Variants in PRRC2C observed in about 807,000 individuals in gnomAD.
The protein encoded by PRRC2C is proline rich coiled-coil 2C, also known as protein PRRC2C.
A neutral mutation model predicts 317.2 loss-of-function variants in PRRC2C; 72 were observed. That is an observed-to-expected ratio of 0.23 (90% CI 0.19 to 0.28). The LOEUF (loss-of-function observed/expected upper bound fraction) is 0.28, where lower values mean the gene tolerates loss of function less well. Among genes scored for constraint, PRRC2C ranks in the 10% least tolerant of loss-of-function variants. The pLI, the probability that PRRC2C is intolerant of heterozygous loss-of-function variation, is 1.00. For missense variants in PRRC2C, 3,074 were observed against 3,459.7 expected (o/e 0.89, Z 2.80); for synonymous variants, 1,296 against 1,205.9 (o/e 1.07, Z -1.55).
chr1:171,502,374 T>A (rs991309450), intron 1 of PRRC2C, among the ~76,000 whole-genome samples: 24 of 152,296 alleles, frequency 1.6e-4, no homozygotes, highest in East Asian at 1.5e-3. Flanking sequence ...AATTTTTTTT[T>A]AAAACTTTGG....
rs113397390 is a variant in PRRC2C at position 171,492,137 on chromosome 1, G to A, written c.-58+6402G>A. 8.1e-3 allele frequency among the ~76,000 whole-genome samples: 1,228 copies of A among 152,224 alleles called. 9 individuals are homozygous for A. Among genetic ancestry groups the A allele is most frequent in the African/African-American group, 0.027 (1,132 of 41,518 alleles). On this transcript the variant is annotated intron_variant, in intron 1 of 34. Coordinates refer to ENST00000647382, the MANE Select transcript of PRRC2C (RefSeq NM_001387844.1). Reference sequence around the variant, plus strand: ...TGTACAGTTCTTTAAGTTTTAGTACGTATGGATTTTTGTAGCCCCCACAAC... The same window carrying A: ...TGTACAGTTCTTTAAGTTTTAGTACATATGGATTTTTGTAGCCCCCACAAC...
At chr1:171,536,490 A>G (rs532220011) in intron 14 of PRRC2C, among the ~76,000 whole-genome samples, 414 of 152,360 alleles carry the variant, frequency 2.7e-3, no homozygotes, top group Non-Finnish European at 4.7e-3. Context: ...TCTGTTTTGT[A>G]AGTATTATTT....
At position 171,513,004 on chromosome 1, in the gene PRRC2C, G is replaced by A. The variant is rs1377431117; in HGVS notation, c.122G>A (p.Arg41Gln). 1.2e-6 allele frequency: 2 copies of A among 1,603,286 alleles called. No homozygotes were observed. The highest frequency in any genetic ancestry group is 1.7e-5 in the Admixed American group (1 of 57,776). The change falls in exon 3 of 35, where the codon CGA becomes CAA. Residue 41 changes from arginine to glutamine, a missense_variant. Arg to Gln is a conservative substitution (Grantham distance 43). This residue lies in a region of PRRC2C where 71 missense variants were observed against 118.9 expected (regional missense o/e 0.60). Transcript: ENST00000647382. ...TGTTATTGATCTTTAGTTGCAGCTC[G>A]ACATGGATTACAGAGTCTTGGAAAA... Reference protein sequence around the residue: ...LETQKTTVAARHGLQSLGKVG... With the variant: ...LETQKTTVAAQHGLQSLGKVG...
At chr1:171,528,266 C>T (rs564318639) in intron 11 of PRRC2C, among the ~76,000 whole-genome samples, 3 of 151,094 alleles carry the variant, frequency 2.0e-5, no homozygotes, top group Non-Finnish European at 4.4e-5. Context: ...TACCCTATTT[C>T]TCTGTTCTCC....
In PRRC2C at chr1:171,502,074, C is replaced by T. The variant is rs976440806; in HGVS notation, c.-57-9958C>T. ...AGTAGCTGGGACTCCAGGTATACAC[C>T]ACCACACCCAGCTTTTTTTGTGGCA... On this transcript the variant is annotated intron_variant, in intron 1 of 34. Coordinates refer to ENST00000647382, the MANE Select transcript of PRRC2C (RefSeq NM_001387844.1). 2.3e-4 allele frequency among the ~76,000 whole-genome samples: 35 copies of T among 152,182 alleles called. 1 individual carries two copies. Among genetic ancestry groups the T allele is most frequent in the Non-Finnish European group, 4.6e-4 (31 of 68,036 alleles).
At chr1:171,549,040 A>G (rs560777329) in intron 17 of PRRC2C, among the ~76,000 whole-genome samples, 1 of 152,144 alleles carries the variant, frequency 6.6e-6, no homozygotes, top group Admixed American at 6.6e-5. Context: ...ACAGGGTTTC[A>G]CTGTGTTGCC....
chr1:171,535,355 G>A, intron 12 of PRRC2C, 73 bp from the exon 13 acceptor site: 2 of 1,367,624 alleles, frequency 1.5e-6, no homozygotes, highest in Non-Finnish European at 2.0e-6. Flanking sequence ...TTATACCTCA[G>A]TCTTTGTAAA....
chr1:171,538,528 AT>A (rs2102473970), intron 15 of PRRC2C, among the ~76,000 whole-genome samples: 1 of 151,888 alleles, frequency 6.6e-6, no homozygotes, highest in South Asian at 2.1e-4. Flanking sequence ...TATGGGCTAT[AT>A]TTTTTTGGTA....
chr1:171,504,501 T>A (rs1331770024), intron 1 of PRRC2C, among the ~76,000 whole-genome samples: 1 of 152,230 alleles, frequency 6.6e-6, no homozygotes. Flanking sequence ...TATGTACACA[T>A]AATTGCTCCA....
intron 11 of PRRC2C, among the ~76,000 whole-genome samples, chr1:171,531,060 A>G (rs949760235): frequency 2.0e-5 from 3 of 152,244 alleles, no homozygotes; most frequent in African/African-American, 7.2e-5. Flanking sequence ...GGAGCAAACT[A>G]CTTATACATA....
Position 171,579,914 on chromosome 1 carries a change from T to C in PRRC2C, c.7359T>C (p.Pro2453=), listed in dbSNP as rs1303147307. Residue 2453 remains proline, a synonymous_variant, in exon 28 of 35, where the codon CCT becomes CCC. Transcript: ENST00000647382. ...HQAQLSLGAG[P]AVSQAQELFS... ...CCCAACTGAGTTTGGGGGCTGGCCC[T>C]GCTGTTTCCCAGGCTCAGGAATTGT... 6.3e-7 allele frequency: 1 copy of C among 1,597,682 alleles called. No individual in the cohort carries two copies. Among genetic ancestry groups the C allele is most frequent in the Non-Finnish European group, 8.5e-7 (1 of 1,174,006 alleles).
chr1:171,586,968 C>A (rs1438515159), intron 30 of PRRC2C, 35 bp from the exon 31 acceptor site: 5 of 1,467,680 alleles, frequency 3.4e-6, no homozygotes, highest in Non-Finnish European at 4.7e-6. Context: ...TAAACAGAAA[C>A]AAATTGCTTC....
intron 3 of PRRC2C, 157 bp downstream of exon 3, chr1:171,513,329 A>G (rs1303832722): frequency 1.2e-6 from 1 of 860,532 alleles, no homozygotes; most frequent in Non-Finnish European, 1.8e-6. Context: ...CTTTTGGTTA[A>G]TTTTCCCTAT....
intron 23 of PRRC2C, among the ~76,000 whole-genome samples, chr1:171,571,096 T>C (rs948816883): frequency 6.6e-6 from 1 of 152,204 alleles, no homozygotes; most frequent in Non-Finnish European, 1.5e-5. Context: ...TCTGCCAACT[T>C]AACGTATAAA....
chr1:171,577,459 T>G lies in PRRC2C; in HGVS notation c.6981T>G (p.Ser2327=). 6.2e-7 allele frequency: 1 copy of G among 1,611,342 alleles called. No homozygotes were observed. The highest frequency in any genetic ancestry group is 2.2e-5 in the East Asian group (1 of 44,846). ...LSGAGTYTTS[S]LSTKSTTTSD... ...GAGCTGGTACATACACTACCTCTTCTTTGAGCACAAAATCTACAACCACAT... is the reference window on the plus strand; with the variant it reads ...GAGCTGGTACATACACTACCTCTTCGTTGAGCACAAAATCTACAACCACAT... Residue 2327 remains serine (S), a synonymous_variant, in exon 26 of 35, where the codon TCT becomes TCG. Coordinates refer to ENST00000647382, the MANE Select transcript of PRRC2C (RefSeq NM_001387844.1).
rs1411498772 is a variant in PRRC2C at position 171,557,548 on chromosome 1, A to G, written c.5436A>G (p.Ser1812=). ...CAGCCTCACCCTTAGCTCCAGTTTC[A>G]GCCTCAGCCTCAGTCTCAGCTTCAG... is the stretch of plus-strand genomic sequence containing the variant. ...PVPASPLAPV[S]ASASVSASVP... is the part of the protein sequence containing the mutation. The change falls in exon 19 of 35, where the codon TCA becomes TCG. Residue 1812 remains serine (S), a synonymous_variant. Coordinates refer to ENST00000647382, the MANE Select transcript of PRRC2C (RefSeq NM_001387844.1). 1.9e-6 allele frequency: 3 copies of G among 1,551,566 alleles called. No homozygotes were observed. The highest frequency in any genetic ancestry group is 2.0e-5 in the Admixed American group (1 of 50,990).
At position 171,515,796 on chromosome 1, in the gene PRRC2C, G is replaced by A; in HGVS notation, c.463G>A (p.Glu155Lys). The change falls in exon 5 of 35, where the codon GAA becomes AAA. Residue 155 changes from glutamate (E) to lysine (K), a missense_variant. Glu to Lys is a moderately conservative substitution (Grantham distance 56). Coordinates refer to ENST00000647382, the MANE Select transcript of PRRC2C (RefSeq NM_001387844.1). Reference protein sequence around the residue: ...FPSLQAAGDQEKKEKETNDDN... With the variant: ...FPSLQAAGDQKKKEKETNDDN... ...CAGCCTGCAGGCAGCTGGGGATCAG[G>A]AAAAAAAAGAAAAGGAAACAAATGA... 1 of 1,610,808 alleles carries A rather than the reference G, an allele frequency of 6.2e-7. No homozygotes were observed. The highest frequency in any genetic ancestry group is 1.1e-5 in the South Asian group (1 of 90,752).
At chr1:171,577,717 TTTCA>T (rs1647344774) in intron 26 of PRRC2C, 80 bp downstream of exon 26, 1 of 1,284,840 alleles carries the variant, frequency 7.8e-7, no homozygotes, top group Non-Finnish European at 1.1e-6. Flanking sequence ...CTTCTTACCC[TTTCA>T]GCTAAGCATA....
chr1:171,579,504 T>C (rs757109872), intron 27 of PRRC2C, 38 bp downstream of exon 27: 2 of 1,603,412 alleles, frequency 1.2e-6, no homozygotes, highest in East Asian at 4.5e-5. Flanking sequence ...TATTTGTTCC[T>C]TCGCATTTCT....
Sources: gnomAD v4.1 joint callset for allele counts (sites outside exome capture counted in the v4.1 genomes callset) on GRCh38, gnomAD v4.1.1 for gene constraint, gnomAD v4.1.1 regional missense constraint, MANE v1.5 for transcripts, NCBI Gene and HGNC (gene_info 2026-07-23, HGNC 2026-07-21) for gene names.